The following LYRM4 variants were observed in gnomAD, a reference collection of about 807,000 sequenced individuals.
LYRM4 encodes the protein LYR motif-containing protein 4.
In LYRM4, 9 loss-of-function variants were observed where a neutral mutation model predicts 11.7. The observed-to-expected ratio is 0.77, with a 90% CI of 0.46 to 1.34. The LOEUF is 1.34. LYRM4 is among the 40% of genes most tolerant of loss of function. The pLI is 0.00. For synonymous variants in LYRM4, 42 were observed against 40.4 expected (o/e 1.04, Z -0.15); for missense variants, 133 against 112.5 (o/e 1.18, Z -0.82).
intron 2 of LYRM4, among the ~76,000 whole-genome samples, chr6:5,199,817 A>C (rs1761283208): frequency 6.6e-6 from 1 of 152,166 alleles, no homozygotes; most frequent in South Asian, 2.1e-4. Flanking sequence ...AGCATTTGTC[A>C]CTGGGTCAGC....
the LYRM4 span, among the ~76,000 whole-genome samples, chr6:5,063,034 T>C: frequency 6.6e-6 from 1 of 152,134 alleles, no homozygotes; most frequent in Non-Finnish European, 1.5e-5. Flanking sequence ...GGTCTGCTCG[T>C]TCACAAAGCA....
intron 2 of LYRM4, among the ~76,000 whole-genome samples, chr6:5,189,379 G>GAGCCTAAGGTTAGTGCTT (rs1266566788): frequency 6.8e-6 from 1 of 148,046 alleles, no homozygotes; most frequent in Admixed American, 6.7e-5. Context: ...GGTTAGTGGT[G>GAGCCTAAGGTTAGTGCTT]AGCCTAAGGT....
At chr6:5,057,661 C>G in the LYRM4 span, among the ~76,000 whole-genome samples, 3 of 151,488 alleles carry the variant, frequency 2.0e-5, no homozygotes, top group Non-Finnish European at 4.4e-5. Flanking sequence ...GTTGTAGTGA[C>G]CCGAGATCGC....
intron 2 of LYRM4, among the ~76,000 whole-genome samples, chr6:5,212,257 A>G (rs558557962): frequency 6.6e-6 from 1 of 152,378 alleles, no homozygotes; most frequent in Admixed American, 6.5e-5. Flanking sequence ...ACTGATAGTT[A>G]TTCTAACTAA....
chr6:5,133,101 G>A (rs918985013), intron 2 of LYRM4, among the ~76,000 whole-genome samples: 1 of 152,200 alleles, frequency 6.6e-6, no homozygotes, highest in African/African-American at 2.4e-5. Context: ...CAGGGTGTGT[G>A]TGCTGGGCAG....
At chr6:5,118,098 T>TTTTTTTTTTTGTG (rs1763223864) in intron 2 of LYRM4, among the ~76,000 whole-genome samples, 1 of 25,446 alleles carries the variant, frequency 3.9e-5, no homozygotes. Context: ...ATATATATTT[T>TTTTTTTTTTTGTG]TGTTTTGTTT....
chr6:5,168,851 C>T (rs1015407932), intron 2 of LYRM4, among the ~76,000 whole-genome samples: 1 of 151,958 alleles, frequency 6.6e-6, no homozygotes, highest in Non-Finnish European at 1.5e-5. Context: ...ATTACATGTG[C>T]GATTTACTTT....
chr6:5,131,672 A>C lies in LYRM4; in HGVS notation c.208-22181T>G, dbSNP rs1284203645. 1.4e-3 allele frequency among the ~76,000 whole-genome samples: 216 copies of C among 152,332 alleles called. 2 individuals carry two copies. The highest frequency in any genetic ancestry group is 1.6e-3 in the Non-Finnish European group (108 of 68,028). ...AGTCTGAAAAGGCTCAAACCAGTAG[A>C]TATTTTAATCTCTTCTATGGTAATT... is the stretch of plus-strand genomic sequence containing the variant. On this transcript the variant is annotated intron_variant, in intron 2 of 2. Coordinates refer to ENST00000330636, the MANE Select transcript of LYRM4 (RefSeq NM_020408.6).
chr6:5,082,899 T>A, the LYRM4 span, among the ~76,000 whole-genome samples: 1 of 134,420 alleles, frequency 7.4e-6, no homozygotes, highest in Non-Finnish European at 1.6e-5. Context: ...GCCCAGCACG[T>A]TCTTCCTTGC....
chr6:5,241,033 T>C (rs1469556568), intron 1 of LYRM4, among the ~76,000 whole-genome samples: 3 of 152,342 alleles, frequency 2.0e-5, no homozygotes, highest in East Asian at 1.9e-4. Flanking sequence ...ACCAACTTTG[T>C]TATTTTAGGT....
chr6:5,228,100 T>G (rs1763000834), intron 1 of LYRM4, among the ~76,000 whole-genome samples: 1 of 152,052 alleles, frequency 6.6e-6, no homozygotes, highest in Non-Finnish European at 1.5e-5. Flanking sequence ...TGTATACCCA[T>G]GTAAGAAACC....
At chr6:5,186,559 C>T (rs1760405502) in intron 2 of LYRM4, 5 of 974,332 alleles carry the variant, frequency 5.1e-6, no homozygotes, top group Non-Finnish European at 6.1e-6. Context: ...CAAATTACTT[C>T]AAAAACTAAA....
chr6:5,226,575 C>T, intron 1 of LYRM4, among the ~76,000 whole-genome samples: 1 of 152,058 alleles, frequency 6.6e-6, no homozygotes, highest in East Asian at 1.9e-4. Flanking sequence ...CAGGGTTTTT[C>T]CATGTTGGTC....
chr6:5,099,907 G>A (rs188249886), downstream of LYRM4, among the ~76,000 whole-genome samples: 15 of 152,326 alleles, frequency 9.8e-5, no homozygotes, highest in South Asian at 1.2e-3. This position sits in a 1 kb window ranked among gnomAD's most constrained non-coding sequence, Gnocchi z 4.3. Flanking sequence ...AGAAGACAGC[G>A]TATCTGCACT....
the LYRM4 span, among the ~76,000 whole-genome samples, chr6:5,067,207 A>G: frequency 2.0e-5 from 3 of 152,214 alleles, no homozygotes; most frequent in Admixed American, 2.0e-4. Context: ...GCATTTATAG[A>G]TATTTATGTA....
At chr6:5,202,415 A>C (rs1452881817) in intron 2 of LYRM4, among the ~76,000 whole-genome samples, 1 of 152,218 alleles carries the variant, frequency 6.6e-6, no homozygotes, top group Non-Finnish European at 1.5e-5. Flanking sequence ...TCCAACTTCC[A>C]GGGGCAGCCT....
At chr6:5,257,371 C>T (rs577605824) in intron 1 of LYRM4, among the ~76,000 whole-genome samples, 1 of 152,304 alleles carries the variant, frequency 6.6e-6, no homozygotes, top group South Asian at 2.1e-4. Context: ...TTCTAGATTC[C>T]ACACCTTGTA....
intron 2 of LYRM4, among the ~76,000 whole-genome samples, chr6:5,128,759 G>A (rs1300032566): frequency 3.3e-5 from 5 of 152,172 alleles, no homozygotes; most frequent in Non-Finnish European, 2.9e-5. Flanking sequence ...ACTACTACAT[G>A]GGGTATGACC....
intron 2 of LYRM4, among the ~76,000 whole-genome samples, chr6:5,155,749 G>C (rs1429278435): frequency 6.6e-6 from 1 of 152,176 alleles, no homozygotes; most frequent in Non-Finnish European, 1.5e-5. Flanking sequence ...TACTTTGAAG[G>C]CTCACATGTT....
Sources: gnomAD v4.1 joint callset for allele counts (sites outside exome capture counted in the v4.1 genomes callset) on GRCh38, gnomAD v4.1.1 for gene constraint, Gnocchi (gnomAD v3.1) non-coding constraint, MANE v1.5 for transcripts, NCBI Gene and HGNC (gene_info 2026-07-23, HGNC 2026-07-21) for gene names.